The following POLN variants were observed in gnomAD, a reference collection of about 807,000 sequenced individuals.
The protein encoded by POLN is DNA polymerase N.
In POLN, 108 loss-of-function variants were observed where a neutral mutation model predicts 113.5. The ratio of observed to expected loss-of-function variants is 0.95; its 90% CI spans 0.81 to 1.12. The LOEUF (loss-of-function observed/expected upper bound fraction) is 1.12, where lower values mean the gene tolerates loss of function less well. POLN is among the 50% of genes most tolerant of loss of function. POLN has a pLI of 0.00. For missense variants in POLN, 1,097 were observed against 1,077.1 expected (o/e 1.02, Z -0.26); for synonymous variants, 386 against 391.5 (o/e 0.99, Z 0.17).
In POLN at chr4:2,124,581, T is replaced by C. The variant is rs117691630; in HGVS notation, c.1982+3532A>G. ...GGCATGCGCCACTGTGCCAGGCCAA[T>C]TGTAACATTAAAAAGGTGAATTTTA... On this transcript the variant is annotated intron_variant, in intron 19 of 25. Transcript: ENST00000511885. 1.1e-3 allele frequency among the ~76,000 whole-genome samples: 164 copies of C among 152,324 alleles called. No homozygotes were observed. The East Asian group carries it at 0.019, about 17-fold the overall frequency.
intron 3 of POLN, 43 bp from the exon 4 acceptor site, chr4:2,213,169 C>T (rs1402005115): frequency 7.8e-7 from 1 of 1,285,714 alleles, no homozygotes; most frequent in Non-Finnish European, 1.1e-6. Context: ...ATTAAAGAAA[C>T]ATTGATATCT....
intron 16 of POLN, among the ~76,000 whole-genome samples, chr4:2,149,983 T>C (rs908657260): frequency 6.6e-6 from 1 of 151,820 alleles, no homozygotes; most frequent in African/African-American, 2.4e-5. Flanking sequence ...CTCGGGAAGC[T>C]GAGGCAGGAG....
chr4:2,218,384 G>C (rs1239558115), intron 3 of POLN, among the ~76,000 whole-genome samples: 2 of 151,990 alleles, frequency 1.3e-5, no homozygotes, highest in East Asian at 3.9e-4. Flanking sequence ...GGCGGAGGTT[G>C]TGGTGAGCTG....
chr4:2,221,745 T>C (rs1229763823), intron 3 of POLN, among the ~76,000 whole-genome samples: 1 of 152,066 alleles, frequency 6.6e-6, no homozygotes, highest in East Asian at 1.9e-4. Context: ...TCGGCTAATA[T>C]TCGATTTTTA....
chr4:2,170,002 C>A (rs867410975), intron 13 of POLN, among the ~76,000 whole-genome samples: 1 of 152,184 alleles, frequency 6.6e-6, no homozygotes, highest in East Asian at 1.9e-4. Flanking sequence ...ACTGGAGGAA[C>A]GTGGTGCTGG....
chr4:2,174,137 A>C lies in POLN; in HGVS notation c.1310-118T>G, dbSNP rs962211129. ...TGACTGCAACTGCCATTTACTCAGC[A>C]CCTGCTGCATGCCAACCTCTGCACA... On this transcript the variant is annotated intron_variant, in intron 10 of 25. Transcript: ENST00000511885. The C allele has an allele frequency of 4.5e-5, 42 of 934,252 alleles. No individual in the cohort carries two copies. The East Asian group carries it at 9.8e-4, about 22-fold the overall frequency. 57.9% of individuals were successfully genotyped at this position (934,252 alleles called of 1,614,324 possible).
chr4:2,079,784 C>T (rs866046333), intron 23 of POLN: 2 of 847,702 alleles, frequency 2.4e-6, no homozygotes, highest in Non-Finnish European at 2.8e-6. Flanking sequence ...GATGTTTTAC[C>T]CTGTTGGCCA....
chr4:2,238,533 C>A, intron 2 of POLN: 1 of 1,012,438 alleles, frequency 9.9e-7, no homozygotes, highest in Non-Finnish European at 1.4e-6. Flanking sequence ...AAAATTTTAG[C>A]TCAAACTCTC....
intron 4 of POLN, 83 bp from the exon 5 acceptor site, chr4:2,208,570 T>G: frequency 8.5e-7 from 1 of 1,181,880 alleles, no homozygotes; most frequent in Non-Finnish European, 1.2e-6. Flanking sequence ...GGTAAAAACT[T>G]GTCTAAGGTA....
chr4:2,154,055 G>A (rs1388008277), intron 16 of POLN, among the ~76,000 whole-genome samples: 13 of 151,086 alleles, frequency 8.6e-5, no homozygotes, highest in African/African-American at 1.7e-4. Flanking sequence ...AAAATTAGCC[G>A]GGCGTGGTGG....
At chr4:2,090,633 G>A (rs962773636) in intron 20 of POLN, 11 of 393,528 alleles carry the variant, frequency 2.8e-5, no homozygotes, top group African/African-American at 6.4e-5. Context: ...TGGAGAGGGC[G>A]TTTGCTACAG....
At chr4:2,228,118 T>C (rs1486337726) in intron 3 of POLN, 1 of 154,036 alleles carries the variant, frequency 6.5e-6, no homozygotes, top group African/African-American at 2.4e-5. Context: ...CTCTCAATTA[T>C]TTCAATGCAA....
At chr4:2,210,923 T>TA (rs1553801077) in intron 4 of POLN, among the ~76,000 whole-genome samples, 4 of 134,412 alleles carry the variant, frequency 3.0e-5, no homozygotes, top group African/African-American at 1.1e-4. Context: ...TCTCAAAACA[T>TA]AATAAATAAA....
chr4:2,097,306 T>C (rs557159543), intron 19 of POLN, among the ~76,000 whole-genome samples: 6 of 151,732 alleles, frequency 4.0e-5, no homozygotes, highest in South Asian at 2.1e-4. Context: ...GCCTTCAAGA[T>C]TGGGGGGTGG....
chr4:2,128,195 G>A lies in POLN; in HGVS notation c.1900C>T (p.His634Tyr). Reference sequence around the variant, plus strand: ...AGAAGTTCCGGATCTCCAGATAAATGTGTAAGAATGCGCAATTCAATCTGT... The same window carrying A: ...AGAAGTTCCGGATCTCCAGATAAATATGTAAGAATGCGCAATTCAATCTGT... ...FSQIELRILT[H>Y]LSGDPELLKL... is the part of the protein sequence containing the mutation. The change falls in exon 19 of 26, where the codon CAT (histidine) becomes TAT (tyrosine). Residue 634 changes from histidine to tyrosine, a missense_variant. Physicochemically the swap from His to Tyr is moderately conservative, Grantham distance 83. Coordinates refer to ENST00000511885, the MANE Select transcript of POLN (RefSeq NM_181808.4). 3.1e-6 allele frequency: 5 copies of A among 1,611,228 alleles called. No homozygotes were observed. The highest frequency in any genetic ancestry group is 2.2e-5 in the East Asian group (1 of 44,864).
chr4:2,106,807 T>C (rs1474047834), intron 19 of POLN, among the ~76,000 whole-genome samples: 2 of 152,212 alleles, frequency 1.3e-5, no homozygotes, highest in African/African-American at 4.8e-5. Flanking sequence ...AACATTAATA[T>C]ATTTTAGTAT....
chr4:2,183,702 T>C (rs10004178), intron 7 of POLN, among the ~76,000 whole-genome samples: 37,443 of 151,946 alleles, frequency 0.25, 7,134 homozygotes, highest in African/African-American at 0.51. Flanking sequence ...TACAGGGTTT[T>C]TTTTTGGGGT....
At chr4:2,207,380 A>G (rs1447113135) in intron 5 of POLN, among the ~76,000 whole-genome samples, 1 of 152,088 alleles carries the variant, frequency 6.6e-6, no homozygotes, top group Non-Finnish European at 1.5e-5. Context: ...AATGAAAAGG[A>G]AAGGTTTTTA....
At chr4:2,211,482 A>G (rs1298165833) in intron 4 of POLN, among the ~76,000 whole-genome samples, 1 of 152,094 alleles carries the variant, frequency 6.6e-6, no homozygotes, top group Non-Finnish European at 1.5e-5. Context: ...GGCAGTACAG[A>G]TAGTTTGAGA....
Sources: gnomAD v4.1 joint callset for allele counts (sites outside exome capture counted in the v4.1 genomes callset) on GRCh38, gnomAD v4.1.1 for gene constraint, MANE v1.5 for transcripts, NCBI Gene and HGNC (gene_info 2026-07-23, HGNC 2026-07-21) for gene names.